Variants in MRTFA observed in about 807,000 individuals in gnomAD.
The protein encoded by MRTFA is myocardin related transcription factor A.
In MRTFA, 20 loss-of-function variants were observed where a neutral mutation model predicts 83.5. The observed-to-expected ratio is 0.24, with a 90% CI of 0.17 to 0.35. The LOEUF is 0.35. Among genes scored for constraint, MRTFA ranks in the 10% least tolerant of loss-of-function variants. MRTFA has a pLI of 1.00. For synonymous variants in MRTFA, 659 were observed against 541.2 expected, an observed-to-expected ratio of 1.22 and a Z score of -3.02; for missense variants, 1,200 against 1,224.7, an observed-to-expected ratio of 0.98 and a Z score of 0.30.
Position 40,435,483 on chromosome 22 carries a change from A to G in MRTFA, c.363+16T>C, listed in dbSNP as rs751033371. 6 of 1,610,362 alleles carry G rather than the reference A, an allele frequency of 3.7e-6. No homozygotes were observed. The highest frequency in any genetic ancestry group is 5.1e-6 in the Non-Finnish European group (6 of 1,176,800). Reference sequence around the variant, plus strand: ...ATGCTCTTTGGGAGTTCTGAGGGGGAAAAAAGGTACCTTACCCTGGCCCGC... The same window carrying G: ...ATGCTCTTTGGGAGTTCTGAGGGGGGAAAAAGGTACCTTACCCTGGCCCGC... On this transcript the variant is annotated intron_variant, in intron 5 of 14. Coordinates refer to ENST00000355630, the MANE Select transcript of MRTFA (RefSeq NM_020831.6).
At chr22:40,423,868 G>A (rs978516242) in intron 8 of MRTFA, among the ~76,000 whole-genome samples, 183 bp from the exon 9 acceptor site, 1 of 152,146 alleles carries the variant, frequency 6.6e-6, no homozygotes, top group Non-Finnish European at 1.5e-5. Context: ...AGGAAAGAGA[G>A]AAGGCAATGA....
chr22:40,476,993 T>C (rs1236192570), intron 3 of MRTFA, among the ~76,000 whole-genome samples: 1 of 151,784 alleles, frequency 6.6e-6, no homozygotes, highest in Non-Finnish European at 1.5e-5. Context: ...GAATGTGGGG[T>C]TGGTTTTATA....
At chr22:40,430,888 G>A (rs1431524419) in intron 6 of MRTFA, among the ~76,000 whole-genome samples, 1 of 150,260 alleles carries the variant, frequency 6.7e-6, no homozygotes, top group Non-Finnish European at 1.5e-5. Flanking sequence ...AAAAGCGGGG[G>A]AAGAAAAAAA....
chr22:40,411,255 C>CCAGGGAAGG lies in MRTFA; in HGVS notation c.*126_*134dup, dbSNP rs1162441769. The CCAGGGAAGG allele has an allele frequency of 2.6e-5, 26 of 992,158 alleles. No individual in the cohort carries two copies. In the Admixed American group the frequency reaches 6.2e-4, roughly 24 times the overall value. 61.5% of individuals were successfully genotyped at this position (992,158 alleles called of 1,614,324 possible). A position where few individuals can be genotyped will look rare whatever the true frequency, so the allele number is the denominator to read the frequency against. ...GTAAGGGCTTCTCTGTTCTAGCCTCCCAGGGAAGGGAAAAAGCAGGGGCTG... is the reference window on the plus strand; with the variant it reads ...GTAAGGGCTTCTCTGTTCTAGCCTCCCAGGGAAGGCAGGGAAGGGAAAAAGCAGGGGCTG... On this transcript the variant is annotated 3_prime_UTR_variant, in exon 15 of 15. Coordinates refer to ENST00000355630, the MANE Select transcript of MRTFA (RefSeq NM_020831.6).
chr22:40,460,440 C>T (rs2147148052), intron 4 of MRTFA, among the ~76,000 whole-genome samples: 1 of 152,320 alleles, frequency 6.6e-6, no homozygotes, highest in South Asian at 2.1e-4. Context: ...GCTGTAATTA[C>T]AGTTAGTAGC....
intron 2 of MRTFA, among the ~76,000 whole-genome samples, chr22:40,558,549 G>A (rs914521512): frequency 5.3e-5 from 8 of 151,834 alleles, no homozygotes. Flanking sequence ...ATTCCCAAGA[G>A]ACAATAAAAA....
chr22:40,453,323 C>T (rs1232942628), intron 4 of MRTFA, among the ~76,000 whole-genome samples: 3 of 152,158 alleles, frequency 2.0e-5, no homozygotes, highest in African/African-American at 4.8e-5. Context: ...GATAAGGAAA[C>T]GATCACCAAA....
chr22:40,541,446 T>A (rs2055289255), intron 3 of MRTFA, among the ~76,000 whole-genome samples: 1 of 152,116 alleles, frequency 6.6e-6, no homozygotes, highest in Non-Finnish European at 1.5e-5. Context: ...CTTAAGACTT[T>A]CCCCTAGACA....
rs1300947003 is a variant in MRTFA, at chr22:40,537,763, G to A, written c.241+14343C>T. Among the ~76,000 whole-genome samples, 3 of 30,750 alleles carry A rather than the reference G, an allele frequency of 9.8e-5. No homozygotes were observed. The South Asian group carries it at 2.4e-3, about 25-fold the overall frequency. The allele number at this position is 30,750 out of a possible 152,430, so 20.2% of individuals were successfully genotyped here. ...CCGGCCAGTCACCCCGTCCGGGAGG[G>A]AGGTGGGGGGGTCAGCCCCCCGCCT... On this transcript the variant is annotated intron_variant, in intron 3 of 14. Coordinates refer to ENST00000355630, the MANE Select transcript of MRTFA (RefSeq NM_020831.6).
At chr22:40,519,567 G>T in intron 3 of MRTFA, 2 of 1,347,572 alleles carry the variant, frequency 1.5e-6, no homozygotes, top group South Asian at 2.5e-5. Flanking sequence ...AAGTGGAGGT[G>T]AAAGGCAATC....
chr22:40,492,494 C>T (rs977173784), intron 3 of MRTFA, among the ~76,000 whole-genome samples: 13 of 152,116 alleles, frequency 8.5e-5, no homozygotes, highest in Admixed American at 7.9e-4. Flanking sequence ...AGAGAAAATG[C>T]TCATAGCAAC....
chr22:40,415,732 A>G (rs1026601890), intron 14 of MRTFA, among the ~76,000 whole-genome samples: 3 of 151,866 alleles, frequency 2.0e-5, no homozygotes, highest in African/African-American at 7.3e-5. Flanking sequence ...TCCCCTCTGC[A>G]GGGGAACCTC....
chr22:40,632,621 C>T (rs1050101832), intron 1 of MRTFA, among the ~76,000 whole-genome samples: 1 of 151,862 alleles, frequency 6.6e-6, no homozygotes, highest in African/African-American at 2.4e-5. Context: ...TTTTTAGTAG[C>T]GACGGGGTTT....
chr22:40,520,331 C>A (rs977615538), intron 3 of MRTFA, among the ~76,000 whole-genome samples: 4 of 152,172 alleles, frequency 2.6e-5, no homozygotes, highest in Non-Finnish European at 5.9e-5. Context: ...CTGTTCTGGA[C>A]ATTTCATTTA....
At chr22:40,633,707 ATATAAAGCTTATAAAGATAAGCTTTAT>A (rs1431779754) in intron 1 of MRTFA, among the ~76,000 whole-genome samples, 4 of 152,172 alleles carry the variant, frequency 2.6e-5, no homozygotes, top group Admixed American at 2.6e-4. Context: ...ATATTGCCAT[ATATAAAGCTTATAAAGATAAGCTTTAT>A]TTATTATATC....
intron 11 of MRTFA, among the ~76,000 whole-genome samples, chr22:40,420,110 G>A (rs549023336): frequency 1.6e-4 from 24 of 152,344 alleles, no homozygotes; most frequent in Non-Finnish European, 2.1e-4. Flanking sequence ...CATGCAACAC[G>A]TAAGTCGAGG....
chr22:40,470,275 A>ATATATATATATATG (rs1569283500), intron 3 of MRTFA, among the ~76,000 whole-genome samples: 2 of 120,394 alleles, frequency 1.7e-5, no homozygotes, highest in African/African-American at 6.5e-5. Context: ...ATATATATAT[A>ATATATATATATATG]TATATAAAGA....
At chr22:40,615,193 TC>T (rs2056434609) in intron 1 of MRTFA, among the ~76,000 whole-genome samples, 1 of 152,218 alleles carries the variant, frequency 6.6e-6, no homozygotes, top group South Asian at 2.1e-4. Flanking sequence ...GGATTGAGGT[TC>T]ATTTCTTTAC....
chr22:40,598,682 T>G (rs1314687186), intron 1 of MRTFA, among the ~76,000 whole-genome samples: 1 of 152,024 alleles, frequency 6.6e-6, no homozygotes, highest in Non-Finnish European at 1.5e-5. Context: ...AAATTGGAAA[T>G]ATTGTTCCTT....
Sources: allele counts gnomAD v4.1 joint callset (sites outside exome capture counted in the v4.1 genomes callset), GRCh38; gene constraint gnomAD v4.1.1; transcripts MANE v1.5; gene names NCBI Gene and HGNC (gene_info 2026-07-23, HGNC 2026-07-21).